The following EYS variants were observed in gnomAD, a reference collection of about 807,000 sequenced individuals.
EYS encodes the protein protein eyes shut homolog.
A neutral mutation model predicts 282.1 loss-of-function variants in EYS; 250 were observed. The observed-to-expected ratio is 0.89, with a 90% CI of 0.80 to 0.98. The LOEUF is 0.98. Ranked by LOEUF, EYS falls within the 50% of genes least tolerant of loss-of-function variation. EYS has a pLI of 0.00. For synonymous variants in EYS, 1,355 were observed against 1,282.9 expected (o/e 1.06, Z -1.20); for missense variants, 4,016 against 3,709.0 (o/e 1.08, Z -2.15).
chr6:64,023,534 C>A (rs182787983), intron 33 of EYS, among the ~76,000 whole-genome samples: 149 of 152,352 alleles, frequency 9.8e-4, no homozygotes, highest in Non-Finnish European at 1.5e-3. Context: ...GATTTTTCCA[C>A]AGCTTCACCA....
intron 2 of EYS, among the ~76,000 whole-genome samples, chr6:65,614,513 T>C (rs551853918): frequency 6.6e-6 from 1 of 152,182 alleles, no homozygotes; most frequent in Non-Finnish European, 1.5e-5. Context: ...CCAATGAATG[T>C]CATGACTCAG....
intron 35 of EYS, among the ~76,000 whole-genome samples, chr6:63,944,410 A>G (rs893611392): frequency 3.3e-5 from 5 of 152,192 alleles, no homozygotes; most frequent in Non-Finnish European, 7.3e-5. Context: ...CTGCCAGTTA[A>G]TTTTAAAAAT....
chr6:64,183,582 TC>T (rs1168221913), intron 31 of EYS, among the ~76,000 whole-genome samples: 1 of 152,188 alleles, frequency 6.6e-6, no homozygotes, highest in Admixed American at 6.5e-5. Flanking sequence ...GTAATAAAAA[TC>T]TAGAAGTTTG....
At chr6:64,270,123 A>C (rs1180602417) in intron 30 of EYS, among the ~76,000 whole-genome samples, 2 of 152,130 alleles carry the variant, frequency 1.3e-5, no homozygotes, top group Non-Finnish European at 2.9e-5. Context: ...TCTGGCGTAG[A>C]CATATTTTTA....
At chr6:65,097,801 A>G (rs1436009488) in intron 12 of EYS, among the ~76,000 whole-genome samples, 1 of 145,972 alleles carries the variant, frequency 6.9e-6, no homozygotes, top group East Asian at 1.9e-4. Context: ...CTAAAATAAA[A>G]TAAAAAAAAA....
At chr6:64,347,325 A>G (rs1292989308) in intron 29 of EYS, among the ~76,000 whole-genome samples, 1 of 151,464 alleles carries the variant, frequency 6.6e-6, no homozygotes, top group Non-Finnish European at 1.5e-5. Context: ...TTAAGAAATT[A>G]TTATTAATCC....
intron 15 of EYS, among the ~76,000 whole-genome samples, chr6:64,916,014 A>G (rs1034257444): frequency 6.6e-6 from 1 of 152,140 alleles, no homozygotes. Flanking sequence ...CAGTCTTAAG[A>G]GAACTTCAGT....
chr6:63,995,444 G>A (rs895901101), intron 34 of EYS, among the ~76,000 whole-genome samples: 8 of 151,898 alleles, frequency 5.3e-5, no homozygotes, highest in African/African-American at 1.2e-4. Flanking sequence ...TTATGAGCAC[G>A]GTTGGTCAGG....
At chr6:64,618,440 C>G (rs1299678318) in intron 23 of EYS, among the ~76,000 whole-genome samples, 1 of 152,116 alleles carries the variant, frequency 6.6e-6, no homozygotes, top group African/African-American at 2.4e-5. Flanking sequence ...ACTATGCTTA[C>G]TCTAATCACA....
At chr6:65,044,273 A>G (rs1308620725) in intron 13 of EYS, among the ~76,000 whole-genome samples, 1 of 151,758 alleles carries the variant, frequency 6.6e-6, no homozygotes, top group Non-Finnish European at 1.5e-5. Context: ...TGTTCCTTAT[A>G]TATTTTGGAT....
intron 32 of EYS, among the ~76,000 whole-genome samples, chr6:64,068,532 G>T (rs1771458857): frequency 6.6e-6 from 1 of 151,606 alleles, no homozygotes; most frequent in Admixed American, 6.6e-5. Context: ...ACGGGGGAGG[G>T]ATAGCATTAG....
chr6:64,709,707 A>C (rs755024724), intron 22 of EYS, among the ~76,000 whole-genome samples: 1 of 152,248 alleles, frequency 6.6e-6, no homozygotes, highest in Non-Finnish European at 1.5e-5. Flanking sequence ...GATGCCACAT[A>C]TGAAAATTCG....
At chr6:65,173,402 T>C (rs1554163639) in intron 12 of EYS, among the ~76,000 whole-genome samples, 3 of 150,420 alleles carry the variant, frequency 2.0e-5, no homozygotes, top group African/African-American at 4.9e-5. Flanking sequence ...GAATAAAATA[T>C]AAATCAAAAT....
In EYS at chr6:65,515,652, G is replaced by T. The variant is rs182855797; in HGVS notation, c.-332-19659C>A. The stretch of plus-strand genomic sequence containing the variant: ...TCATGTCCTTTGTAGGGACATGGAT[G>T]AAATTGGAAATCATCATTCTCAGTA... On this transcript the variant is annotated intron_variant, in intron 2 of 42. Coordinates refer to ENST00000503581, the MANE Select transcript of EYS (RefSeq NM_001142800.2). Among the ~76,000 whole-genome samples the T allele has an allele frequency of 1.3e-4, 20 of 151,936 alleles. No homozygotes were observed. In the East Asian group the frequency reaches 3.7e-3, roughly 28 times the overall value.
intron 12 of EYS, among the ~76,000 whole-genome samples, chr6:65,118,405 C>T (rs906135908): frequency 2.0e-5 from 3 of 152,144 alleles, no homozygotes; most frequent in Non-Finnish European, 4.4e-5. Flanking sequence ...AAATACTTCT[C>T]TTGTTAATTA....
intron 12 of EYS, among the ~76,000 whole-genome samples, chr6:65,101,670 G>T (rs750302266): frequency 6.6e-6 from 1 of 151,194 alleles, no homozygotes; most frequent in Non-Finnish European, 1.5e-5. Context: ...GGACCAAATT[G>T]CAGAGTACCT....
chr6:63,799,450 C>T (rs1770731368), intron 37 of EYS, among the ~76,000 whole-genome samples: 1 of 152,118 alleles, frequency 6.6e-6, no homozygotes, highest in Non-Finnish European at 1.5e-5. Flanking sequence ...AACTTCTTCA[C>T]TACAATCCGA....
intron 5 of EYS, among the ~76,000 whole-genome samples, chr6:65,432,892 G>C (rs183508072): frequency 6.6e-6 from 1 of 152,078 alleles, no homozygotes; most frequent in African/African-American, 2.4e-5. Context: ...AAGAATGTAA[G>C]AGAAAGGAGA....
At chr6:64,551,581 G>T (rs1209368042) in intron 26 of EYS, among the ~76,000 whole-genome samples, 2 of 145,460 alleles carry the variant, frequency 1.4e-5, no homozygotes, top group Non-Finnish European at 3.0e-5. Context: ...GTGTTGCCCA[G>T]GCTAGAGTGC....
Sources: allele counts gnomAD v4.1 joint callset (sites outside exome capture counted in the v4.1 genomes callset), GRCh38; gene constraint gnomAD v4.1.1; transcripts MANE v1.5; gene names NCBI Gene and HGNC (gene_info 2026-07-23, HGNC 2026-07-21).